Variants in RYR2 observed in about 807,000 individuals in gnomAD.
The protein encoded by RYR2 is cardiac muscle ryanodine receptor-calcium release channel.
RYR2 carries 227 observed loss-of-function variants against 601.1 expected under a neutral mutation model. The ratio of observed to expected loss-of-function variants is 0.38; its 90% CI spans 0.34 to 0.42. The LOEUF is 0.42. Among genes scored for constraint, RYR2 ranks in the 10% least tolerant of loss-of-function variants. RYR2 has a pLI of 1.00. For missense variants in RYR2, 4,646 were observed against 6,156.5 expected, an observed-to-expected ratio of 0.75 and a Z score of 8.21; for synonymous variants, 2,223 against 2,175.1, an observed-to-expected ratio of 1.02 and a Z score of -0.61.
intron 37 of RYR2, among the ~76,000 whole-genome samples, chr1:237,615,976 C>T (rs774387534): frequency 2.5e-4 from 38 of 151,818 alleles, no homozygotes; most frequent in Non-Finnish European, 4.1e-4. Flanking sequence ...ACAAATAGCC[C>T]AGCAAAGGTC....
At chr1:237,387,257 G>GC in intron 8 of RYR2, 24 bp from the exon 9 acceptor site, 1 of 1,607,134 alleles carries the variant, frequency 6.2e-7, no homozygotes, top group South Asian at 1.1e-5. Flanking sequence ...CTGAAGTGAT[G>GC]CCTCCTTTTG....
chr1:237,473,008 TA>T lies in RYR2; in HGVS notation c.1708+3824del, dbSNP rs200447371. ...TCCACCTTGCTTTTACTTTTTTTTT[TA>T]AATTGCTTTTTCCATTATTCTTTAC... On this transcript the variant is annotated intron_variant, in intron 17 of 104. Coordinates refer to ENST00000366574, the MANE Select transcript of RYR2 (RefSeq NM_001035.3). Among the ~76,000 whole-genome samples the T allele has an allele frequency of 2.3e-3, 344 of 151,898 alleles. 5 individuals carry two copies. In the East Asian group the frequency reaches 0.038, roughly 17 times the overall value.
chr1:237,406,508 T>G (rs1703921681), intron 10 of RYR2, among the ~76,000 whole-genome samples: 1 of 151,850 alleles, frequency 6.6e-6, no homozygotes, highest in Admixed American at 6.6e-5. Context: ...TTTGCAACAT[T>G]TACACATACA....
chr1:237,112,303 G>T (rs1669569637), intron 1 of RYR2, among the ~76,000 whole-genome samples: 2 of 152,158 alleles, frequency 1.3e-5, no homozygotes, highest in Non-Finnish European at 2.9e-5. Context: ...TAGTAGAGAT[G>T]GGGTTTCACC....
chr1:237,456,147 A>T (rs888430234), intron 15 of RYR2, among the ~76,000 whole-genome samples: 25 of 152,294 alleles, frequency 1.6e-4, no homozygotes, highest in African/African-American at 6.0e-4. Context: ...CATAATTTCA[A>T]ACTCAGGCTG....
rs989898871 is a variant in RYR2, at chr1:237,383,638, C to A, written c.577-3643C>A. Among the ~76,000 whole-genome samples, 9 of 151,954 alleles carry A rather than the reference C, an allele frequency of 5.9e-5. No individual in the cohort carries two copies. In the East Asian group the frequency reaches 1.4e-3, roughly 23 times the overall value. The stretch of plus-strand genomic sequence containing the variant: ...TAGAGACGGGGCTTCACCGTGTTGG[C>A]CAGGATGGTCTCGATCTCCTGACCT... On this transcript the variant is annotated intron_variant, in intron 8 of 104. Transcript: ENST00000366574.
intron 8 of RYR2, among the ~76,000 whole-genome samples, chr1:237,379,258 G>A (rs558411586): frequency 1.3e-5 from 2 of 152,156 alleles, no homozygotes; most frequent in South Asian, 2.1e-4. Flanking sequence ...CTTCCGCTAC[G>A]TATCAGAGTT....
chr1:237,270,387 C>T lies in RYR2; in HGVS notation c.49-110C>T, dbSNP rs368821938. The T allele has an allele frequency of 5.9e-5, 84 of 1,428,850 alleles. 2 individuals carry two copies. In the Middle Eastern group the frequency reaches 1.0e-3, roughly 18 times the overall value. The allele number at this position is 1,428,850 out of a possible 1,614,324, so 88.5% of individuals were successfully genotyped here. On this transcript the variant is annotated intron_variant, in intron 1 of 104. Coordinates refer to ENST00000366574, the MANE Select transcript of RYR2 (RefSeq NM_001035.3). ...TTTTTTTGACAGTAGTTTTTACATT[C>T]GGCACAGATTTTTAAAATGCACTAA...
At chr1:237,436,453 C>CATTTTT (rs1491092540) in intron 12 of RYR2, among the ~76,000 whole-genome samples, 4 of 55,840 alleles carry the variant, frequency 7.2e-5, no homozygotes, top group Middle Eastern at 0.01. Flanking sequence ...GTGTGATTTT[C>CATTTTT]CTTTTTTTTT....
intron 36 of RYR2, among the ~76,000 whole-genome samples, chr1:237,612,613 G>T (rs958477096): frequency 6.6e-6 from 1 of 151,426 alleles, no homozygotes; most frequent in Non-Finnish European, 1.5e-5. Flanking sequence ...TTTTTTTTGT[G>T]AGAAGAGTTT....
intron 8 of RYR2, among the ~76,000 whole-genome samples, chr1:237,386,793 A>C (rs1701987168): frequency 6.6e-6 from 1 of 152,148 alleles, no homozygotes; most frequent in African/African-American, 2.4e-5. Flanking sequence ...TGGCTTTTGC[A>C]TCAAATTGCA....
At chr1:237,618,495 A>T (rs1678723229) in intron 38 of RYR2, among the ~76,000 whole-genome samples, 2 of 152,212 alleles carry the variant, frequency 1.3e-5, no homozygotes, top group South Asian at 4.1e-4. Flanking sequence ...CATGGTGGTG[A>T]GTTCCCTGGA....
intron 1 of RYR2, among the ~76,000 whole-genome samples, chr1:237,082,357 G>A (rs1203672797): frequency 2.0e-5 from 3 of 151,842 alleles, no homozygotes; most frequent in African/African-American, 4.8e-5. Flanking sequence ...CAATGATGAT[G>A]AGCAAAGATG....
intron 1 of RYR2, among the ~76,000 whole-genome samples, chr1:237,054,483 G>A (rs1187122002): frequency 6.6e-6 from 1 of 152,030 alleles, no homozygotes; most frequent in Non-Finnish European, 1.5e-5. Flanking sequence ...TTAAATTGTG[G>A]AAAACTGATA....
rs74738410 is a variant in RYR2, at chr1:237,509,926, A to G, written c.2719-1762A>G. 6.6e-5 allele frequency among the ~76,000 whole-genome samples: 10 copies of G among 152,338 alleles called. No homozygotes were observed. The East Asian group carries it at 1.9e-3, about 29-fold the overall frequency. On this transcript the variant is annotated intron_variant, in intron 23 of 104. Coordinates refer to ENST00000366574, the MANE Select transcript of RYR2 (RefSeq NM_001035.3). ...AGGACATTAGCCATGACCTTTCAGT[A>G]GTGCAGTGTTGCAAGAGGACACCTC...
chr1:237,639,213 A>G lies in RYR2; in HGVS notation c.7115+12A>G. On this transcript the variant is annotated intron_variant, in intron 46 of 104. Coordinates refer to ENST00000366574, the MANE Select transcript of RYR2 (RefSeq NM_001035.3). Reference sequence around the variant, plus strand: ...TCCAGTAAAACACTGTAGGTCTAATATACACACCCTCACGAGTGATCCATA... The same window carrying G: ...TCCAGTAAAACACTGTAGGTCTAATGTACACACCCTCACGAGTGATCCATA... The G allele has an allele frequency of 6.2e-7, 1 of 1,601,678 alleles. No homozygotes were observed. Among genetic ancestry groups the G allele is most frequent in the Non-Finnish European group, 8.5e-7 (1 of 1,172,124 alleles).
chr1:237,408,128 T>C (rs531653047), intron 10 of RYR2, among the ~76,000 whole-genome samples: 5 of 152,200 alleles, frequency 3.3e-5, no homozygotes, highest in African/African-American at 9.6e-5. Flanking sequence ...AAAACATCAT[T>C]GTCAAATGCA....
intron 1 of RYR2, among the ~76,000 whole-genome samples, chr1:237,069,829 G>C (rs1405180325): frequency 1.3e-5 from 2 of 152,042 alleles, no homozygotes; most frequent in African/African-American, 4.8e-5. Flanking sequence ...CGTTAATACT[G>C]TTTTTCCCTA....
chr1:237,697,920 A>T (rs1287330399), intron 63 of RYR2, among the ~76,000 whole-genome samples: 1 of 151,986 alleles, frequency 6.6e-6, no homozygotes, highest in Non-Finnish European at 1.5e-5. Flanking sequence ...TAAATACCTT[A>T]TTTTTTCTTA....
Sources: gnomAD v4.1 joint callset for allele counts (sites outside exome capture counted in the v4.1 genomes callset) on GRCh38, gnomAD v4.1.1 for gene constraint, MANE v1.5 for transcripts, NCBI Gene and HGNC (gene_info 2026-07-23, HGNC 2026-07-21) for gene names.